RGN: variants seen among roughly 807,000 people sequenced by gnomAD.
RGN encodes epididymis secretory protein Li 41.
A neutral mutation model predicts 20.6 loss-of-function variants in RGN; 19 were observed. The ratio of observed to expected loss-of-function variants is 0.92; its 90% CI spans 0.64 to 1.35. RGN has a LOEUF of 1.35. RGN is among the 40% of genes most tolerant of loss of function. The pLI is 0.00. For missense variants in RGN, 302 were observed against 232.7 expected (o/e 1.30, Z -1.94); for synonymous variants, 85 against 87.2 (o/e 0.97, Z 0.14).
At position 47,093,114 on chromosome X, in the gene RGN, A is replaced by T; in HGVS notation, c.*167A>T. 2.2e-6 allele frequency: 1 copy of T among 451,337 alleles called. No homozygotes were observed. The highest frequency in any genetic ancestry group is 3.4e-5 in the South Asian group (1 of 29,102). 37.2% of individuals were successfully genotyped at this position (451,337 alleles called of 1,213,427 possible). On this transcript the variant is annotated 3_prime_UTR_variant, in exon 8 of 8. Coordinates refer to ENST00000397180, the MANE Select transcript of RGN (RefSeq NM_152869.4). ...CAGAGCATTTTTAACAAGGGGTGAC[A>T]GGTGGTTTTGATAACACACTTATAA...
At chrX:47,079,499 C>T (rs782752992) in intron 1 of RGN, among the ~76,000 whole-genome samples, 3 of 107,399 alleles carry the variant, frequency 2.8e-5, no homozygotes, top group African/African-American at 1.0e-4. Context: ...GGCGCAATCT[C>T]GGCTCACTGC....
At position 47,090,718 on chromosome X, in the gene RGN, T is replaced by G. The variant is rs1209170717; in HGVS notation, c.562+727T>G. Among the ~76,000 whole-genome samples the G allele has an allele frequency of 3.7e-5, 4 of 108,298 alleles. No individual in the cohort carries two copies. In the East Asian group the frequency reaches 1.1e-3, roughly 31 times the overall value. 94.0% of individuals were successfully genotyped at this position (108,298 alleles called of 115,157 possible). On this transcript the variant is annotated intron_variant, in intron 5 of 7. Coordinates refer to ENST00000397180, the MANE Select transcript of RGN (RefSeq NM_152869.4). The stretch of plus-strand genomic sequence containing the variant: ...GCAGATTTAATCAGAGGCAAACTAT[T>G]CTGGTGCAGATGTTTTGCTTTGAAA...
chrX:47,092,977 C>T lies in RGN; in HGVS notation c.*30C>T. Reference sequence around the variant, plus strand: ...AGGTCTTCTTTCCTGCCAGAGGGAGCTCTGAAGACAACTAGAGAATTCTGG... The same window carrying T: ...AGGTCTTCTTTCCTGCCAGAGGGAGTTCTGAAGACAACTAGAGAATTCTGG... On this transcript the variant is annotated 3_prime_UTR_variant, in exon 8 of 8. Coordinates refer to ENST00000397180, the MANE Select transcript of RGN (RefSeq NM_152869.4). The T allele has an allele frequency of 8.9e-7, 1 of 1,127,050 alleles. No homozygotes were observed. The allele number at this position is 1,127,050 out of a possible 1,213,427, so 92.9% of individuals were successfully genotyped here. A position where few individuals can be genotyped will look rare whatever the true frequency, so the allele number is the denominator to read the frequency against.
chrX:47,088,884 T>C (rs1556385351), intron 4 of RGN, among the ~76,000 whole-genome samples: 1 of 95,206 alleles, frequency 1.1e-5, no homozygotes, highest in African/African-American at 4.0e-5. Context: ...CAATGAGCTG[T>C]GATCACGCCA....
Position 47,092,991 on chromosome X carries a change from A to G in RGN, c.*44A>G. 9.7e-7 allele frequency: 1 copy of G among 1,035,658 alleles called. No individual in the cohort carries two copies. The highest frequency in any genetic ancestry group is 1.3e-6 in the Non-Finnish European group (1 of 748,977). The allele number at this position is 1,035,658 out of a possible 1,213,427, so 85.3% of individuals were successfully genotyped here. ...GCCAGAGGGAGCTCTGAAGACAACT[A>G]GAGAATTCTGGGCCTGAAATTTCAA... On this transcript the variant is annotated 3_prime_UTR_variant, in exon 8 of 8. Coordinates refer to ENST00000397180, the MANE Select transcript of RGN (RefSeq NM_152869.4).
At chrX:47,085,757 C>G (rs992986998) in intron 4 of RGN, among the ~76,000 whole-genome samples, 1 of 111,454 alleles carries the variant, frequency 9.0e-6, no homozygotes. Flanking sequence ...GCTGGGATTA[C>G]AGGTGTGAGC....
At chrX:47,084,349 G>A in intron 3 of RGN, 69 bp from the exon 4 acceptor site, 2 of 956,372 alleles carry the variant, frequency 2.1e-6, no homozygotes, top group East Asian at 3.4e-5. Flanking sequence ...ATGCCAGGTA[G>A]CACAGTGATC....
chrX:47,089,997 T>C lies in RGN; in HGVS notation c.562+6T>C, dbSNP rs1038101591. ...CCTGCAGACAGGACAGATCTGTATG[T>C]ATTTTTCATTATTTGTCTCAGTGCT... On this transcript the variant is annotated splice_donor_region_variant and intron_variant, in intron 5 of 7. Coordinates refer to ENST00000397180, the MANE Select transcript of RGN (RefSeq NM_152869.4). The C allele has an allele frequency of 5.4e-6, 6 of 1,118,128 alleles. No individual in the cohort carries two copies. In the African/African-American group the frequency reaches 9.1e-5, roughly 17 times the overall value. 92.1% of individuals were successfully genotyped at this position (1,118,128 alleles called of 1,213,427 possible).
chrX:47,092,594 C>T (rs904267041), intron 7 of RGN, among the ~76,000 whole-genome samples: 3 of 111,895 alleles, frequency 2.7e-5, no homozygotes, highest in Admixed American at 9.6e-5. Context: ...TGATAAAAAT[C>T]GTAGAGCTTT....
chrX:47,084,537 AACG>A lies in RGN; in HGVS notation c.286_288del (p.Asp96del), dbSNP rs1930498176. 1 of 1,202,832 alleles carries A rather than the reference AACG, an allele frequency of 8.3e-7. No individual in the cohort carries two copies. The highest frequency in any genetic ancestry group is 1.1e-6 in the Non-Finnish European group (1 of 890,431). On this transcript the variant is annotated inframe_deletion, in exon 4 of 8. Coordinates refer to ENST00000397180, the MANE Select transcript of RGN (RefSeq NM_152869.4). The stretch of plus-strand genomic sequence containing the variant: ...AGCAGTTGTCTTGGCCACGGTGGAT[AACG>A]ACAAGAAAAACAATCGCTTCAATGA...
At chrX:47,086,115 A>G (rs782753370) in intron 4 of RGN, among the ~76,000 whole-genome samples, 1 of 109,922 alleles carries the variant, frequency 9.1e-6, no homozygotes, top group East Asian at 2.9e-4. Flanking sequence ...TTTGTTTTTT[A>G]TAACATTGCC....
In RGN at chrX:47,088,654, G is replaced by C. The variant is rs1050815906; in HGVS notation, c.347-1122G>C. Among the ~76,000 whole-genome samples, 3 of 109,941 alleles carry C rather than the reference G, an allele frequency of 2.7e-5. No individual in the cohort carries two copies. The South Asian group carries it at 1.2e-3, about 43-fold the overall frequency. ...TGAGTCTTGTTGAAATCCTTTGGCCGGGCGCGGTGGCTCAAGCCTATAATC... is the reference window on the plus strand; with the variant it reads ...TGAGTCTTGTTGAAATCCTTTGGCCCGGCGCGGTGGCTCAAGCCTATAATC... On this transcript the variant is annotated intron_variant, in intron 4 of 7. Coordinates refer to ENST00000397180, the MANE Select transcript of RGN (RefSeq NM_152869.4).
chrX:47,092,595 G>A (rs999975293), intron 7 of RGN, among the ~76,000 whole-genome samples: 8 of 112,015 alleles, frequency 7.1e-5, no homozygotes, highest in African/African-American at 2.6e-4. Context: ...GATAAAAATC[G>A]TAGAGCTTTT....
intron 4 of RGN, among the ~76,000 whole-genome samples, chrX:47,086,734 G>GGGGAGAGAGAGAGAGA (rs1930604108): frequency 2.0e-5 from 1 of 50,523 alleles, no homozygotes; most frequent in Non-Finnish European, 4.0e-5. Flanking sequence ...AGTGATAACA[G>GGGGAGAGAGAGAGAGA]GAGAGAGAGA....
chrX:47,093,248 T>C lies in RGN; in HGVS notation c.*301T>C, dbSNP rs1556388677. ...TGGGTGGGTACATATCTCTTCTTGA[T>C]TCTGCATTTCATACTTAACTATATT... On this transcript the variant is annotated 3_prime_UTR_variant, in exon 8 of 8. Coordinates refer to ENST00000397180, the MANE Select transcript of RGN (RefSeq NM_152869.4). The C allele has an allele frequency of 1.5e-5, 4 of 258,285 alleles. No individual in the cohort carries two copies. The highest frequency in any genetic ancestry group is 2.7e-5 in the Non-Finnish European group (4 of 148,183). 21.3% of individuals were successfully genotyped at this position (258,285 alleles called of 1,213,427 possible).
intron 5 of RGN, among the ~76,000 whole-genome samples, chrX:47,090,615 T>G (rs1440226401): frequency 9.1e-6 from 1 of 109,786 alleles, no homozygotes; most frequent in East Asian, 2.8e-4. Flanking sequence ...TCATGAAAGG[T>G]GCCAAACCTT....
intron 3 of RGN, among the ~76,000 whole-genome samples, chrX:47,083,605 G>T (rs1031624999): frequency 1.8e-5 from 2 of 111,209 alleles, no homozygotes; most frequent in African/African-American, 3.3e-5. Flanking sequence ...ATAAAATAGG[G>T]CCCCTTAGAA....
In RGN at chrX:47,081,371, C is replaced by T. The variant is rs1376560417; in HGVS notation, c.163+64C>T. The T allele has an allele frequency of 2.1e-5, 21 of 1,018,342 alleles. 1 individual carries two copies. In the Admixed American group the frequency reaches 2.5e-4, roughly 12 times the overall value. 83.9% of individuals were successfully genotyped at this position (1,018,342 alleles called of 1,213,427 possible). A position where few individuals can be genotyped will look rare whatever the true frequency, so the allele number is the denominator to read the frequency against. On this transcript the variant is annotated intron_variant, in intron 3 of 7. Transcript: ENST00000397180. ...TTTCCCAGGGGAGGGGCGGTCACCA[C>T]GGCACCCTTCTTGTTAAAGCACACT...
In RGN at chrX:47,084,567, G is replaced by T; in HGVS notation, c.313G>T (p.Gly105Trp). ...NDKKNNRFND[G>W]KVDPAGRYFA... The stretch of plus-strand genomic sequence containing the variant: ...CAAGAAAAACAATCGCTTCAATGAT[G>T]GGAAGGTGGATCCCGCCGGGAGGTA... The change falls in exon 4 of 8, where the codon GGG becomes TGG. Residue 105 changes from glycine to tryptophan, a missense_variant. Physicochemically the swap from Gly to Trp is radical, Grantham distance 184. Coordinates refer to ENST00000397180, the MANE Select transcript of RGN (RefSeq NM_152869.4). The T allele has an allele frequency of 8.3e-7, 1 of 1,198,131 alleles. No individual in the cohort carries two copies. Among genetic ancestry groups the T allele is most frequent in the Non-Finnish European group, 1.1e-6 (1 of 887,996 alleles).
Sources: allele counts gnomAD v4.1 joint callset (sites outside exome capture counted in the v4.1 genomes callset), GRCh38; gene constraint gnomAD v4.1.1; transcripts MANE v1.5; gene names NCBI Gene and HGNC (gene_info 2026-07-23, HGNC 2026-07-21).